CSMD1: variants seen among roughly 807,000 people sequenced by gnomAD.
CSMD1 encodes the protein CUB and Sushi multiple domains 1.
Under a neutral mutation model 417.5 loss-of-function variants are expected in CSMD1, and 213 were observed. The ratio of observed to expected loss-of-function variants is 0.51; its 90% CI spans 0.46 to 0.57. The LOEUF is 0.57. Ranked by LOEUF, CSMD1 falls within the 20% of genes least tolerant of loss-of-function variation. The pLI is 0.00. For missense variants in CSMD1, 6,923 were observed against 4,529.7 expected (o/e 1.53, Z -15.17); for synonymous variants, 2,862 against 1,736.8 (o/e 1.65, Z -16.11).
Position 4,361,763 on chromosome 8 carries a change from G to A in CSMD1, c.415+58190C>T, listed in dbSNP as rs909607803. Among the ~76,000 whole-genome samples the A allele has an allele frequency of 4.6e-5, 7 of 151,726 alleles. No homozygotes were observed. In the East Asian group the frequency reaches 1.4e-3, roughly 29 times the overall value. ...GAGGTCAGGAGATCGAGACCATCCTGGCTAACACGGTGAAACCCCATCTCT... is the reference window on the plus strand; with the variant it reads ...GAGGTCAGGAGATCGAGACCATCCTAGCTAACACGGTGAAACCCCATCTCT... On this transcript the variant is annotated intron_variant, in intron 3 of 69. Coordinates refer to ENST00000635120, the MANE Select transcript of CSMD1 (RefSeq NM_033225.6).
At chr8:4,895,469 T>C (rs995794303) in intron 1 of CSMD1, among the ~76,000 whole-genome samples, 1 of 152,146 alleles carries the variant, frequency 6.6e-6, no homozygotes, top group Non-Finnish European at 1.5e-5. Flanking sequence ...GCTTTATCAT[T>C]GGCATTTGTC....
At chr8:3,286,696 A>G (rs962664055) in intron 25 of CSMD1, among the ~76,000 whole-genome samples, 5 of 151,306 alleles carry the variant, frequency 3.3e-5, no homozygotes, top group Admixed American at 1.3e-4. Flanking sequence ...TAAATTTGTT[A>G]GAGTTCATTG....
intron 33 of CSMD1, among the ~76,000 whole-genome samples, chr8:3,193,241 CAA>C (rs1796519493): frequency 6.6e-6 from 1 of 152,156 alleles, no homozygotes; most frequent in Admixed American, 6.5e-5. Flanking sequence ...CATTTGTACA[CAA>C]GTCACTATTA....
intron 2 of CSMD1, among the ~76,000 whole-genome samples, chr8:4,446,192 G>C (rs1391495531): frequency 3.3e-5 from 5 of 152,202 alleles, no homozygotes; most frequent in Admixed American, 1.3e-4. Flanking sequence ...AGAAACAAAA[G>C]ACATTTTGTT....
At position 3,524,051 on chromosome 8, in the gene CSMD1, G is replaced by T. The variant is rs563216608; in HGVS notation, c.1345-30325C>A. ...CACACACATGCACACCCAGAGACAC[G>T]TGCACACACATGCACACACTTACAC... On this transcript the variant is annotated intron_variant, in intron 10 of 69. Coordinates refer to ENST00000635120, the MANE Select transcript of CSMD1 (RefSeq NM_033225.6). 5.3e-5 allele frequency among the ~76,000 whole-genome samples: 6 copies of T among 113,158 alleles called. No individual in the cohort carries two copies. The East Asian group carries it at 1.2e-3, about 22-fold the overall frequency. 74.2% of individuals were successfully genotyped at this position (113,158 alleles called of 152,430 possible).
At chr8:4,604,305 G>A (rs1169793209) in intron 2 of CSMD1, among the ~76,000 whole-genome samples, 1 of 150,984 alleles carries the variant, frequency 6.6e-6, no homozygotes, top group Non-Finnish European at 1.5e-5. Context: ...CTATATAACA[G>A]GAATATGCAT....
intron 2 of CSMD1, among the ~76,000 whole-genome samples, chr8:4,596,891 A>T (rs886902808): frequency 6.6e-6 from 1 of 152,192 alleles, no homozygotes; most frequent in East Asian, 1.9e-4. Flanking sequence ...CTGATAGCGA[A>T]TAAGTCTCAC....
intron 26 of CSMD1, among the ~76,000 whole-genome samples, chr8:3,270,319 G>A (rs984792286): frequency 1.5e-4 from 23 of 152,004 alleles, no homozygotes; most frequent in Non-Finnish European, 5.9e-5. Flanking sequence ...GCCTCCCAAA[G>A]TCCTGGGATT....
At chr8:4,163,090 A>T (rs1008924934) in intron 3 of CSMD1, among the ~76,000 whole-genome samples, 6 of 152,198 alleles carry the variant, frequency 3.9e-5, no homozygotes, top group Non-Finnish European at 5.9e-5. Context: ...AGCAATGAAT[A>T]ATATTCCATT....
chr8:4,614,140 T>G (rs1166225756), intron 2 of CSMD1, among the ~76,000 whole-genome samples: 1 of 152,108 alleles, frequency 6.6e-6, no homozygotes, highest in Non-Finnish European at 1.5e-5. Context: ...AACTTTTAAG[T>G]TCTGATAATA....
chr8:3,377,290 G>C (rs1030862406), intron 18 of CSMD1, among the ~76,000 whole-genome samples: 1 of 152,108 alleles, frequency 6.6e-6, no homozygotes, highest in African/African-American at 2.4e-5. Flanking sequence ...AGGATTACAG[G>C]CATGAGCCAC....
intron 64 of CSMD1, among the ~76,000 whole-genome samples, chr8:2,955,264 G>C (rs555581869): frequency 1.3e-5 from 2 of 152,226 alleles, no homozygotes; most frequent in South Asian, 4.1e-4. Context: ...ACTATACCAA[G>C]TATTATTTTC....
chr8:4,761,909 ATCAATCTATCTATCTATCT>A (rs1812125561), intron 1 of CSMD1, among the ~76,000 whole-genome samples: 1 of 70,726 alleles, frequency 1.4e-5, no homozygotes, highest in African/African-American at 4.5e-5. Flanking sequence ...CTATCTATCT[ATCAATCTATCTATCTATCT>A]ATCTATCTAT....
At chr8:3,859,978 A>C (rs1804582541) in intron 5 of CSMD1, among the ~76,000 whole-genome samples, 1 of 152,164 alleles carries the variant, frequency 6.6e-6, no homozygotes, top group Non-Finnish European at 1.5e-5. Context: ...TTCAAGCCTG[A>C]GGGTGGTTTT....
intron 23 of CSMD1, among the ~76,000 whole-genome samples, chr8:3,314,131 G>T (rs895276431): frequency 6.6e-6 from 1 of 151,746 alleles, no homozygotes; most frequent in African/African-American, 2.4e-5. Flanking sequence ...GGGGTGGGGG[G>T]AGTGGGGAGG....
chr8:3,253,649 A>T (rs1007103465), intron 26 of CSMD1, among the ~76,000 whole-genome samples: 3 of 152,128 alleles, frequency 2.0e-5, no homozygotes, highest in South Asian at 4.1e-4. Flanking sequence ...TGCCATTATT[A>T]TTGTGTGGGA....
intron 41 of CSMD1, among the ~76,000 whole-genome samples, chr8:3,131,983 A>C (rs1257644956): frequency 6.6e-6 from 1 of 152,210 alleles, no homozygotes; most frequent in Non-Finnish European, 1.5e-5. Context: ...ATTCCTTCAC[A>C]ATCCAATACC....
intron 1 of CSMD1, among the ~76,000 whole-genome samples, chr8:4,761,145 G>A (rs987791370): frequency 1.8e-4 from 27 of 152,074 alleles, no homozygotes; most frequent in African/African-American, 6.5e-4. Context: ...ACACGTAAAG[G>A]AAATGAAAAA....
chr8:3,354,929 A>ATATATC (rs1808675186), intron 21 of CSMD1, among the ~76,000 whole-genome samples: 11 of 149,820 alleles, frequency 7.3e-5, no homozygotes, highest in African/African-American at 1.2e-4. Context: ...CTATCTATAG[A>ATATATC]TATAGATATA....
Sources: gnomAD v4.1 joint callset for allele counts (sites outside exome capture counted in the v4.1 genomes callset) on GRCh38, gnomAD v4.1.1 for gene constraint, MANE v1.5 for transcripts, NCBI Gene and HGNC (gene_info 2026-07-23, HGNC 2026-07-21) for gene names.